Variants in TSNARE1 observed in about 807,000 individuals in gnomAD.
TSNARE1 encodes t-SNARE domain containing 1.
A neutral mutation model predicts 62.0 loss-of-function variants in TSNARE1; 49 were observed. The observed-to-expected ratio is 0.79, with a 90% CI of 0.63 to 1.00. The LOEUF (loss-of-function observed/expected upper bound fraction) is 1.00, where lower values mean the gene tolerates loss of function less well. TSNARE1 is among the 50% of genes least tolerant of loss of function. The pLI, the probability that TSNARE1 is intolerant of heterozygous loss-of-function variation, is 0.00. For missense variants in TSNARE1, 755 were observed against 700.1 expected (o/e 1.08, Z -0.88); for synonymous variants, 328 against 294.4 (o/e 1.11, Z -1.17).
chr8:142,376,299 C>G (rs1836335067), intron 1 of TSNARE1, among the ~76,000 whole-genome samples: 1 of 152,210 alleles, frequency 6.6e-6, no homozygotes, highest in Non-Finnish European at 1.5e-5. Context: ...CAAGGGCGAC[C>G]CTGGGGCCCA....
intron 12 of TSNARE1, among the ~76,000 whole-genome samples, chr8:142,235,134 C>T (rs1817340585): frequency 6.6e-6 from 1 of 152,158 alleles, no homozygotes; most frequent in Non-Finnish European, 1.5e-5. Flanking sequence ...GGGAACCTGC[C>T]TGCACTGAGC....
chr8:142,296,392 G>T (rs1219365929), intron 10 of TSNARE1, among the ~76,000 whole-genome samples: 3 of 126,000 alleles, frequency 2.4e-5, no homozygotes, highest in African/African-American at 9.0e-5. Context: ...TGGGGGAGGG[G>T]TGGTCACTGT....
intron 11 of TSNARE1, chr8:142,277,824 G>C: frequency 2.0e-6 from 2 of 985,338 alleles, no homozygotes; most frequent in Non-Finnish European, 1.2e-6. Flanking sequence ...GCAAACCTGA[G>C]TTCCTGCAGC....
At chr8:142,223,185 T>TTCATCCCCTCACTCATTCATCCACTCAC (rs1563756937) in intron 13 of TSNARE1, among the ~76,000 whole-genome samples, 2 of 45,934 alleles carry the variant, frequency 4.4e-5, no homozygotes, top group African/African-American at 9.1e-5. Context: ...TATTCACTCA[T>TTCATCCCCTCACTCATTCATCCACTCAC]TCACTCGTTC....
In TSNARE1 at chr8:142,403,134, G is replaced by A. The variant is rs1399735880; in HGVS notation, c.-70C>T. ...CCTCGGTGGCTCGCGGACCGCTCCG[G>A]GCGCTCACGGCGGGCGAGGCGGGCG... is the stretch of plus-strand genomic sequence containing the variant. On this transcript the variant is annotated 5_prime_UTR_variant, in exon 1 of 14. Coordinates refer to ENST00000524325, the MANE Select transcript of TSNARE1 (RefSeq NM_145003.5). The A allele has an allele frequency of 2.0e-5, 3 of 148,708 alleles. No individual in the cohort carries two copies. The highest frequency in any genetic ancestry group is 4.5e-5 in the Non-Finnish European group (3 of 66,550). The allele number at this position is 148,708 out of a possible 1,614,324, so 9.2% of individuals were successfully genotyped here. A position where few individuals can be genotyped will look rare whatever the true frequency, so the allele number is the denominator to read the frequency against.
chr8:142,329,700 C>T (rs554404914), intron 6 of TSNARE1, among the ~76,000 whole-genome samples: 7 of 152,290 alleles, frequency 4.6e-5, no homozygotes, highest in East Asian at 1.9e-4. Flanking sequence ...CGTGCAAATA[C>T]GCGTGGGTGT....
At chr8:142,274,977 C>T (rs1820210178) in intron 11 of TSNARE1, 114 bp from the exon 12 acceptor site, 35 of 1,390,236 alleles carry the variant, frequency 2.5e-5, no homozygotes, top group Non-Finnish European at 3.3e-5. Flanking sequence ...TGCAGAGGAG[C>T]AGAGGCTGCA....
At chr8:142,290,991 C>A (rs890031145) in intron 10 of TSNARE1, among the ~76,000 whole-genome samples, 2 of 152,186 alleles carry the variant, frequency 1.3e-5, no homozygotes, top group Non-Finnish European at 2.9e-5. Flanking sequence ...CAGCTCTGGA[C>A]CAGTGCCCCG....
chr8:142,402,468 C>A (rs1838364738), intron 1 of TSNARE1, among the ~76,000 whole-genome samples: 1 of 152,222 alleles, frequency 6.6e-6, no homozygotes, highest in African/African-American at 2.4e-5. Context: ...AGGAGGAGTG[C>A]GCCATGAGGC....
At chr8:142,234,039 T>G (rs1303280233) in intron 12 of TSNARE1, among the ~76,000 whole-genome samples, 3 of 152,118 alleles carry the variant, frequency 2.0e-5, no homozygotes, top group Non-Finnish European at 4.4e-5. Context: ...AGTGGAAACA[T>G]GGTAACCAAG....
rs1480665257 is a variant in TSNARE1, at chr8:142,272,986, C to T, written c.1446+1795G>A. ...CCTGATACTCCCTGGTGGACCCCCT[C>T]GGGAACAGGAGTGGGACAGTCTATG... is the stretch of plus-strand genomic sequence containing the variant. On this transcript the variant is annotated intron_variant, in intron 12 of 13. Coordinates refer to ENST00000524325, the MANE Select transcript of TSNARE1 (RefSeq NM_145003.5). 1.6e-5 allele frequency: 16 copies of T among 985,356 alleles called. No homozygotes were observed. The South Asian group carries it at 2.8e-4, about 17-fold the overall frequency. 61.0% of individuals were successfully genotyped at this position (985,356 alleles called of 1,614,324 possible). A position where few individuals can be genotyped will look rare whatever the true frequency, so the allele number is the denominator to read the frequency against.
intron 12 of TSNARE1, chr8:142,272,814 G>A: frequency 2.0e-6 from 2 of 983,158 alleles, no homozygotes; most frequent in Non-Finnish European, 2.4e-6. Flanking sequence ...CGTGGGGAGG[G>A]CCCCTCGCAG....
At chr8:142,330,234 C>T (rs1830817521) in intron 6 of TSNARE1, among the ~76,000 whole-genome samples, 1 of 152,176 alleles carries the variant, frequency 6.6e-6, no homozygotes, top group Non-Finnish European at 1.5e-5. Context: ...TGCTAGCGTC[C>T]CCTCAGACCC....
chr8:142,353,704 G>A (rs755978662), intron 2 of TSNARE1, among the ~76,000 whole-genome samples: 3 of 152,102 alleles, frequency 2.0e-5, no homozygotes, highest in Non-Finnish European at 4.4e-5. Context: ...CCCTGAACAG[G>A]CCCCCTGGGG....
chr8:142,271,841 AC>A (rs1819599192), intron 12 of TSNARE1: 1 of 492,576 alleles, frequency 2.0e-6, no homozygotes, highest in East Asian at 3.5e-5. Context: ...TGGGAGTTGC[AC>A]CCGTTTGAGA....
intron 1 of TSNARE1, among the ~76,000 whole-genome samples, chr8:142,398,727 G>T (rs1026139205): frequency 1.3e-5 from 2 of 152,204 alleles, no homozygotes; most frequent in Non-Finnish European, 2.9e-5. Context: ...ACACATCTCA[G>T]ACAGCAGCCC....
intron 1 of TSNARE1, among the ~76,000 whole-genome samples, chr8:142,398,239 A>T (rs1382252008): frequency 6.7e-6 from 1 of 148,174 alleles, no homozygotes; most frequent in Non-Finnish European, 1.5e-5. Context: ...AACCCTCCCA[A>T]AGCGCACCCC....
At chr8:142,391,417 A>G (rs1248428693) in intron 1 of TSNARE1, among the ~76,000 whole-genome samples, 1 of 151,958 alleles carries the variant, frequency 6.6e-6, no homozygotes, top group Non-Finnish European at 1.5e-5. Flanking sequence ...GGGACTCTGT[A>G]ACAGACGCTG....
intron 13 of TSNARE1, among the ~76,000 whole-genome samples, chr8:142,216,616 G>T (rs529718536): frequency 7.0e-6 from 1 of 143,496 alleles, no homozygotes; most frequent in African/African-American, 2.5e-5. Flanking sequence ...GCCTGGGCAC[G>T]GGGCACAGGG....
Sources: gnomAD v4.1 joint callset for allele counts (sites outside exome capture counted in the v4.1 genomes callset) on GRCh38, gnomAD v4.1.1 for gene constraint, MANE v1.5 for transcripts, NCBI Gene and HGNC (gene_info 2026-07-23, HGNC 2026-07-21) for gene names.